Variants in ABCA9 observed in about 807,000 individuals in gnomAD.
The protein encoded by ABCA9 is ATP binding cassette subfamily A member 9.
A neutral mutation model predicts 205.3 loss-of-function variants in ABCA9; 183 were observed. The ratio of observed to expected loss-of-function variants is 0.89; its 90% CI spans 0.79 to 1.01. The LOEUF (loss-of-function observed/expected upper bound fraction) is 1.01, where lower values mean the gene tolerates loss of function less well. Among genes scored for constraint, ABCA9 ranks in the 50% least tolerant of loss-of-function variants. ABCA9 has a pLI of 0.00. For synonymous variants in ABCA9, 651 were observed against 683.3 expected (o/e 0.95, Z 0.74); for missense variants, 1,805 against 1,912.4 (o/e 0.94, Z 1.05).
chr17:68,986,517 A>G (rs889725651), intron 31 of ABCA9, 193 bp from the exon 32 acceptor site: 1 of 502,974 alleles, frequency 2.0e-6, no homozygotes, highest in African/African-American at 2.0e-5. Context: ...TTCCATGGTT[A>G]TCCATTGTAG....
intron 3 of ABCA9, among the ~76,000 whole-genome samples, chr17:69,047,309 G>A (rs906169463): frequency 6.7e-6 from 1 of 149,664 alleles, no homozygotes; most frequent in Admixed American, 6.7e-5. Flanking sequence ...CACTGTGACC[G>A]ATCACATGAG....
At chr17:69,069,125 A>G in the ABCA9 span, among the ~76,000 whole-genome samples, 126 of 152,216 alleles carry the variant, frequency 8.3e-4, no homozygotes, top group Non-Finnish European at 1.6e-3. Context: ...TTGCAGTAAG[A>G]AAAAACCTAA....
chr17:69,058,439 G>T (rs532796740), intron 1 of ABCA9, among the ~76,000 whole-genome samples: 16 of 152,222 alleles, frequency 1.1e-4, no homozygotes, highest in African/African-American at 3.9e-4. Flanking sequence ...GCCTCAAGGG[G>T]GTAGTACCAG....
chr17:68,974,608 A>G lies in ABCA9; in HGVS notation c.*1307T>C, dbSNP rs938068615. 1 of 152,218 alleles carries G rather than the reference A, an allele frequency of 6.6e-6. No homozygotes were observed. The highest frequency in any genetic ancestry group is 2.4e-5 in the African/African-American group (1 of 41,466). 9.4% of individuals were successfully genotyped at this position (152,218 alleles called of 1,614,324 possible). A position where few individuals can be genotyped will look rare whatever the true frequency, so the allele number is the denominator to read the frequency against. ...TCAATTAGATAGCAATAATAATAGT[A>G]TTAACAAGAAAAACTCACCTAAATA... On this transcript the variant is annotated 3_prime_UTR_variant, in exon 39 of 39. Coordinates refer to ENST00000340001, the MANE Select transcript of ABCA9 (RefSeq NM_080283.4).
intron 25 of ABCA9, among the ~76,000 whole-genome samples, chr17:68,998,118 C>G (rs1461772926): frequency 6.6e-6 from 1 of 152,166 alleles, no homozygotes; most frequent in East Asian, 1.9e-4. Flanking sequence ...CTTAAGAGCA[C>G]ATTTCTGTTT....
intron 29 of ABCA9, 144 bp from the exon 30 acceptor site, chr17:68,990,074 A>C: frequency 1.5e-6 from 1 of 667,670 alleles, no homozygotes; most frequent in Non-Finnish European, 2.7e-6. Context: ...TTTCAAGTGA[A>C]CTCTTACAGT....
At chr17:69,029,497 G>A (rs1265351085) in intron 10 of ABCA9, among the ~76,000 whole-genome samples, 2 of 152,168 alleles carry the variant, frequency 1.3e-5, no homozygotes, top group Admixed American at 1.3e-4. Context: ...TATATTGTTA[G>A]AAGAATTGTG....
intron 4 of ABCA9, 27 bp downstream of exon 4, chr17:69,045,145 A>G (rs748287307): frequency 1.4e-5 from 22 of 1,606,348 alleles, no homozygotes; most frequent in Non-Finnish European, 1.9e-5. Flanking sequence ...AATAGCAAAA[A>G]AAATTTTTTT....
intron 38 of ABCA9, 58 bp from the exon 39 acceptor site, chr17:68,976,071 TC>T: frequency 1.2e-6 from 2 of 1,602,982 alleles, no homozygotes; most frequent in Non-Finnish European, 1.7e-6. Context: ...CTCCTGCAGC[TC>T]CAGGCGAATG....
At chr17:69,008,537 C>A (rs1477716254) in intron 23 of ABCA9, among the ~76,000 whole-genome samples, 1 of 152,174 alleles carries the variant, frequency 6.6e-6, no homozygotes, top group Non-Finnish European at 1.5e-5. Context: ...ACTATTCTTT[C>A]CTTCGACGTG....
At chr17:68,995,619 T>C (rs556752585) in intron 26 of ABCA9, among the ~76,000 whole-genome samples, 1 of 152,302 alleles carries the variant, frequency 6.6e-6, no homozygotes, top group South Asian at 2.1e-4. Flanking sequence ...GGGCATCTCT[T>C]TGGCCTCCCA....
In ABCA9 at chr17:68,986,327, A is replaced by G. The variant is rs780008596; in HGVS notation, c.4048-3T>C. On this transcript the variant is annotated splice_region_variant and splice_polypyrimidine_tract_variant and intron_variant, in intron 31 of 38. Transcript: ENST00000340001. Reference sequence around the variant, plus strand: ...CCACCGCTCCCTTTCAAAATCACCTATGCAAAATAAGTTCATTCTTAGATT... The same window carrying G: ...CCACCGCTCCCTTTCAAAATCACCTGTGCAAAATAAGTTCATTCTTAGATT... 6 of 1,603,030 alleles carry G rather than the reference A, an allele frequency of 3.7e-6. No individual in the cohort carries two copies. The highest frequency in any genetic ancestry group is 3.4e-5 in the South Asian group (3 of 89,344).
At chr17:69,050,095 TC>T (rs1171334618) in intron 2 of ABCA9, among the ~76,000 whole-genome samples, 1 of 152,086 alleles carries the variant, frequency 6.6e-6, no homozygotes, top group Non-Finnish European at 1.5e-5. Flanking sequence ...TATGTCATCT[TC>T]ATCATATGAT....
At chr17:69,006,532 A>T (rs2070137371) in intron 25 of ABCA9, among the ~76,000 whole-genome samples, 1 of 152,234 alleles carries the variant, frequency 6.6e-6, no homozygotes, top group South Asian at 2.1e-4. Flanking sequence ...TTATATACAG[A>T]TATATAATTA....
intron 21 of ABCA9, among the ~76,000 whole-genome samples, chr17:69,016,921 A>G (rs1226588294): frequency 6.6e-6 from 1 of 152,112 alleles, no homozygotes; most frequent in African/African-American, 2.4e-5. Context: ...TTCATTATCC[A>G]TATTGCCCAA....
chr17:68,979,645 C>G (rs887923179), intron 37 of ABCA9, among the ~76,000 whole-genome samples: 9 of 152,168 alleles, frequency 5.9e-5, no homozygotes, highest in Non-Finnish European at 1.2e-4. Flanking sequence ...CTACAACTAT[C>G]TGATCTTTGA....
chr17:68,976,194 C>CATAAGA lies in ABCA9; in HGVS notation c.4721-10_4721-5dup. 6.2e-7 allele frequency: 1 copy of CATAAGA among 1,613,032 alleles called. No homozygotes were observed. Among genetic ancestry groups the CATAAGA allele is most frequent in the Non-Finnish European group, 8.5e-7 (1 of 1,179,462 alleles). On this transcript the variant is annotated splice_polypyrimidine_tract_variant and splice_region_variant and intron_variant, in intron 37 of 38. Coordinates refer to ENST00000340001, the MANE Select transcript of ABCA9 (RefSeq NM_080283.4). ...TCCAGGTCGAAACTCTGTTTAACTG[C>CATAAGA]ATAAGAATGAGCATACATTAGGAAT...
At chr17:69,020,161 CAAAATCTGTGTGAAATTTAAAAAAAG>C (rs1451840980) in intron 19 of ABCA9, among the ~76,000 whole-genome samples, 1 of 152,066 alleles carries the variant, frequency 6.6e-6, no homozygotes, top group African/African-American at 2.4e-5. Context: ...TTGGTAAAAA[CAAAATCTGTGTGAAATTTAAAAAAAG>C]AACAATCCCA....
intron 1 of ABCA9, among the ~76,000 whole-genome samples, chr17:69,057,507 CTAGGCTTTAGGAAGTCTTTA>C (rs60843951): frequency 0.04 from 6,098 of 152,156 alleles, 246 homozygotes; most frequent in African/African-American, 0.098. Context: ...AAACATGGGC[CTAGGCTTTAGGAAGTCTTTA>C]TAGGCTTTAG....
Sources: gnomAD v4.1 joint callset for allele counts (sites outside exome capture counted in the v4.1 genomes callset) on GRCh38, gnomAD v4.1.1 for gene constraint, MANE v1.5 for transcripts, NCBI Gene and HGNC (gene_info 2026-07-23, HGNC 2026-07-21) for gene names.